CABIN1: variants seen among roughly 807,000 people sequenced by gnomAD.
CABIN1 encodes the protein calcineurin binding protein 1.
Under a neutral mutation model 227.7 loss-of-function variants are expected in CABIN1, and 133 were observed. That is an observed-to-expected ratio of 0.58 (90% confidence interval 0.51 to 0.67). The LOEUF (loss-of-function observed/expected upper bound fraction) is 0.67. Among genes scored for constraint, CABIN1 ranks in the 30% least tolerant of loss-of-function variants. The pLI is 0.00. For missense variants in CABIN1, 2,408 were observed against 2,852.5 expected (o/e 0.84, Z 3.55); for synonymous variants, 1,086 against 1,155.1 (o/e 0.94, Z 1.21).
At position 24,177,742 on chromosome 22, in the gene CABIN1, C is replaced by T; in HGVS notation, c.6444C>T (p.Ile2148=). 3.7e-6 allele frequency: 6 copies of T among 1,612,220 alleles called. No individual in the cohort carries two copies. Among genetic ancestry groups the T allele is most frequent in the Non-Finnish European group, 5.1e-6 (6 of 1,178,676 alleles). The change falls in exon 36 of 37, where the codon ATC becomes ATT. Residue 2148 remains isoleucine, a synonymous_variant. Transcript: ENST00000263119. This position sits in a 1 kb window ranked among gnomAD's most constrained non-coding sequence, Gnocchi z 4.4. Reference sequence around the variant, plus strand: ...CCGCCACCAAGTTCCCCCCTGAGATCACCGTCACGCCACCCACCCCAACCC... The same window carrying T: ...CCGCCACCAAGTTCCCCCCTGAGATTACCGTCACGCCACCCACCCCAACCC... ...PSAATKFPPE[I]TVTPPTPTLL...
intron 29 of CABIN1, among the ~76,000 whole-genome samples, chr22:24,155,528 A>C (rs2045731204): frequency 6.6e-6 from 1 of 152,046 alleles, no homozygotes; most frequent in African/African-American, 2.4e-5. Flanking sequence ...TTACCATGGC[A>C]TCTCTTTTTT....
intron 1 of CABIN1, among the ~76,000 whole-genome samples, chr22:24,020,332 T>C (rs566766442): frequency 4.6e-5 from 7 of 152,316 alleles, no homozygotes; most frequent in Admixed American, 1.3e-4. Flanking sequence ...TTTTATTTTT[T>C]TATTTTTGAT....
intron 6 of CABIN1, among the ~76,000 whole-genome samples, chr22:24,046,899 C>A (rs12168123): frequency 0.044 from 6,748 of 152,080 alleles, 283 homozygotes; most frequent in African/African-American, 0.11. Context: ...GTAGAAAACC[C>A]CCCCCACCGC....
At position 24,174,902 on chromosome 22, in the gene CABIN1, C is replaced by T. The variant is rs188180090; in HGVS notation, c.6041-1209C>T. On this transcript the variant is annotated intron_variant, in intron 34 of 36. Transcript: ENST00000263119. ...AGATCTCTGTAGGCCACACACACCT[C>T]CCTGGGGTGTGGGAAGGCCTGGTGG... Among the ~76,000 whole-genome samples the T allele has an allele frequency of 7.3e-4, 111 of 152,150 alleles. 1 individual carries two copies. The highest frequency in any genetic ancestry group is 2.6e-3 in the African/African-American group (106 of 41,512).
intron 23 of CABIN1, among the ~76,000 whole-genome samples, chr22:24,091,366 T>C (rs2041529344): frequency 6.6e-6 from 1 of 152,226 alleles, no homozygotes; most frequent in Admixed American, 6.5e-5. Flanking sequence ...GTTTAAGTCC[T>C]GCTCTATGCC....
intron 29 of CABIN1, among the ~76,000 whole-genome samples, chr22:24,161,562 C>A (rs1215379141): frequency 1.3e-5 from 2 of 152,154 alleles, no homozygotes; most frequent in Non-Finnish European, 1.5e-5. Flanking sequence ...CCCTGCCCAT[C>A]TATGATCCTG....
intron 1 of CABIN1, among the ~76,000 whole-genome samples, chr22:24,022,806 A>C (rs1162930459): frequency 6.6e-6 from 1 of 152,300 alleles, no homozygotes; most frequent in South Asian, 2.1e-4. Flanking sequence ...GTTTTAATTC[A>C]TATTTCTCTA....
At chr22:24,022,289 G>C (rs929532748) in intron 1 of CABIN1, among the ~76,000 whole-genome samples, 1 of 151,994 alleles carries the variant, frequency 6.6e-6, no homozygotes, top group Non-Finnish European at 1.5e-5. Flanking sequence ...CCTTTACCCC[G>C]GGCTGCCCCT....
In CABIN1 at chr22:24,056,359, A is replaced by G; in HGVS notation, c.1261A>G (p.Arg421Gly). The change falls in exon 10 of 37, where the codon AGG (arginine) becomes GGG (glycine). Residue 421 changes from arginine to glycine, a missense_variant and splice_region_variant. Arg to Gly is a moderately radical substitution (Grantham distance 125). Transcript: ENST00000263119. ...GCTTCTGATGAAGTTCTTGCCGTCC[A>G]GGTACTGTGTATTTTTTCTGATTGT... Reference protein sequence around the residue: ...QELLMKFLPSRLRKLDPEEED... With the variant: ...QELLMKFLPSGLRKLDPEEED... The G allele has an allele frequency of 6.2e-7, 1 of 1,613,912 alleles. No individual in the cohort carries two copies. The highest frequency in any genetic ancestry group is 8.5e-7 in the Non-Finnish European group (1 of 1,179,784).
In CABIN1 at chr22:24,132,929, G is replaced by T. The variant is rs1423467254; in HGVS notation, c.4633-1373G>T. Among the ~76,000 whole-genome samples the T allele has an allele frequency of 2.0e-5, 3 of 152,160 alleles. No homozygotes were observed. In the East Asian group the frequency reaches 5.8e-4, roughly 29 times the overall value. On this transcript the variant is annotated intron_variant, in intron 28 of 36. Transcript: ENST00000263119. Reference sequence around the variant, plus strand: ...AGTAAACTACAGGTTGTTCCTCCTAGGGTGCTAGAGCTCAGAAGTTGAAGG... The same window carrying T: ...AGTAAACTACAGGTTGTTCCTCCTATGGTGCTAGAGCTCAGAAGTTGAAGG...
At chr22:24,055,301 GC>G (rs2038702349) in intron 9 of CABIN1, 142 bp downstream of exon 9, 1 of 999,544 alleles carries the variant, frequency 1.0e-6, no homozygotes, top group Non-Finnish European at 1.4e-6. Flanking sequence ...GGAGCCCCCA[GC>G]CCTAGAGGAG....
At chr22:24,086,111 G>C (rs1423173050) in intron 22 of CABIN1, among the ~76,000 whole-genome samples, 1 of 152,252 alleles carries the variant, frequency 6.6e-6, no homozygotes, top group Non-Finnish European at 1.5e-5. Context: ...TGCTTAGCCT[G>C]TGGTTTCTTC....
chr22:24,141,463 T>G (rs1482172263), intron 29 of CABIN1, among the ~76,000 whole-genome samples: 1 of 152,256 alleles, frequency 6.6e-6, no homozygotes, highest in African/African-American at 2.4e-5. Flanking sequence ...CTTTCTCACC[T>G]GTGCCGGGGT....
intron 18 of CABIN1, 48 bp from the exon 19 acceptor site, chr22:24,076,121 G>A (rs137856543): frequency 9.8e-5 from 140 of 1,433,406 alleles, no homozygotes; most frequent in East Asian, 2.3e-4. Context: ...CTGCAGGCAC[G>A]CAGGTTCCCA....
At position 24,166,700 on chromosome 22, in the gene CABIN1, T is replaced by G. The variant is rs537435674; in HGVS notation, c.5069T>G (p.Val1690Gly). The change falls in exon 32 of 37, where the codon GTC (valine) becomes GGC (glycine). Residue 1690 changes from valine (V) to glycine (G), a missense_variant. This residue lies in a region of CABIN1 where 714 missense variants were observed against 773.8 expected (regional missense o/e 0.92). Transcript: ENST00000263119. ...GLPGARMTTDVSHKASPEDGQ... is the reference protein window; with the variant it reads ...GLPGARMTTDGSHKASPEDGQ... ...CCCGGAGCCAGGATGACCACCGATG[T>G]CTCACACAAGGCCAGTCCTGAGGAT... is the stretch of plus-strand genomic sequence containing the variant. 4.3e-6 allele frequency: 7 copies of G among 1,612,608 alleles called. No individual in the cohort carries two copies. Among genetic ancestry groups the G allele is most frequent in the Non-Finnish European group, 5.9e-6 (7 of 1,179,944 alleles).
intron 26 of CABIN1, among the ~76,000 whole-genome samples, chr22:24,108,143 G>A (rs2042618860): frequency 6.6e-6 from 1 of 152,206 alleles, no homozygotes; most frequent in South Asian, 2.1e-4. Flanking sequence ...GGAAGACAAT[G>A]GCAATCGTGT....
rs1300181578 is a variant in CABIN1 at position 24,171,782 on chromosome 22, G to T, written c.5827G>T (p.Val1943Leu). 1 of 1,614,168 alleles carries T rather than the reference G, an allele frequency of 6.2e-7. No homozygotes were observed. The highest frequency in any genetic ancestry group is 1.1e-5 in the South Asian group (1 of 91,092). ...CCGAGAGAACTTCTTTCCTGTGACA[G>T]TGGTGCCCACAGCCCCTGACCCTGT... ...DSRENFFPVTVVPTAPDPVPA... is the reference protein window; with the variant it reads ...DSRENFFPVTLVPTAPDPVPA... Residue 1943 changes from valine (V) to leucine (L), a missense_variant, in exon 34 of 37, where the codon GTG becomes TTG. By Grantham distance (32) the Val-to-Leu change is conservative (BLOSUM62 1). Around this residue, in one of 3 missense-constraint regions of CABIN1, gnomAD observed 714 missense variants for 773.8 expected, o/e 0.92. Transcript: ENST00000263119.
At chr22:24,142,208 A>G (rs1422518402) in intron 29 of CABIN1, among the ~76,000 whole-genome samples, 9 of 152,048 alleles carry the variant, frequency 5.9e-5, no homozygotes, top group Admixed American at 5.9e-4. Context: ...CTCCTCAGAG[A>G]GAGCCAGTAG....
At chr22:24,164,356 G>T (rs766154664) in intron 29 of CABIN1, 44 bp from the exon 30 acceptor site, 1 of 1,598,774 alleles carries the variant, frequency 6.3e-7, no homozygotes, top group Non-Finnish European at 8.5e-7. Flanking sequence ...CGAGGCTCCT[G>T]CCACAACCAC....
Sources: gnomAD v4.1 joint callset for allele counts (sites outside exome capture counted in the v4.1 genomes callset) on GRCh38, gnomAD v4.1.1 for gene constraint, gnomAD v4.1.1 regional missense constraint, Gnocchi (gnomAD v3.1) non-coding constraint, MANE v1.5 for transcripts, NCBI Gene and HGNC (gene_info 2026-07-23, HGNC 2026-07-21) for gene names.